THADA: variants seen among roughly 807,000 people sequenced by gnomAD.
The protein encoded by THADA is THADA armadillo repeat containing, also known as tRNA (32-2'-O)-methyltransferase regulator THADA.
In THADA, 213 loss-of-function variants were observed where a neutral mutation model predicts 219.8. The observed-to-expected ratio is 0.97, with a 90% CI of 0.87 to 1.09. The LOEUF (loss-of-function observed/expected upper bound fraction) is 1.09. Among genes scored for constraint, THADA ranks in the 50% least tolerant of loss-of-function variants. The pLI, the probability that THADA is intolerant of heterozygous loss-of-function variation, is 0.00. For synonymous variants in THADA, 1,018 were observed against 828.9 expected, an observed-to-expected ratio of 1.23 and a Z score of -3.92; for missense variants, 2,956 against 2,311.3, an observed-to-expected ratio of 1.28 and a Z score of -5.72.
chr2:43,358,331 C>T lies in THADA; in HGVS notation c.4228-14094G>A, dbSNP rs367946183. ...ACAGGTAGGTGTGTGGTATTTTCACCGAGAGAGAAATCAAAGATAAGAAAC... is the reference window on the plus strand; with the variant it reads ...ACAGGTAGGTGTGTGGTATTTTCACTGAGAGAGAAATCAAAGATAAGAAAC... On this transcript the variant is annotated intron_variant, in intron 29 of 37. Coordinates refer to ENST00000405975, the MANE Select transcript of THADA (RefSeq NM_022065.5). 3.3e-5 allele frequency among the ~76,000 whole-genome samples: 5 copies of T among 152,006 alleles called. 1 individual carries two copies. Among genetic ancestry groups the T allele is most frequent in the East Asian group, 1.9e-4 (1 of 5,164 alleles).
At chr2:43,504,572 C>T (rs1385327047) in intron 24 of THADA, among the ~76,000 whole-genome samples, 1 of 152,202 alleles carries the variant, frequency 6.6e-6, no homozygotes, top group Non-Finnish European at 1.5e-5. Context: ...TGGCCCTTTA[C>T]AGTTGGGTAG....
chr2:43,424,680 C>G (rs772912888), intron 28 of THADA, among the ~76,000 whole-genome samples: 1 of 152,160 alleles, frequency 6.6e-6, no homozygotes. Flanking sequence ...TAGTTCACCT[C>G]GCCAGTGAAC....
intron 31 of THADA, among the ~76,000 whole-genome samples, chr2:43,303,175 G>GA (rs1676458720): frequency 6.6e-6 from 1 of 152,168 alleles, no homozygotes; most frequent in African/African-American, 2.4e-5. Context: ...TCATGGCACT[G>GA]AGGAGTGTTT....
At chr2:43,488,618 T>C (rs1687205709) in intron 25 of THADA, among the ~76,000 whole-genome samples, 1 of 152,238 alleles carries the variant, frequency 6.6e-6, no homozygotes, top group South Asian at 2.1e-4. Flanking sequence ...ATTTGGAATA[T>C]TATGAATAAT....
chr2:43,247,259 A>G (rs1348689470), intron 36 of THADA, among the ~76,000 whole-genome samples: 1 of 152,212 alleles, frequency 6.6e-6, no homozygotes, highest in Non-Finnish European at 1.5e-5. Context: ...CACATGAAAA[A>G]AATTCAAAGT....
At chr2:43,231,475 C>G in intron 37 of THADA, 132 bp from the exon 38 acceptor site, 1 of 839,892 alleles carries the variant, frequency 1.2e-6, no homozygotes, top group African/African-American at 1.7e-5. Flanking sequence ...GCACTCTTGC[C>G]TGTCAACATC....
At chr2:43,531,970 A>G (rs541101566) in intron 21 of THADA, among the ~76,000 whole-genome samples, 1 of 151,968 alleles carries the variant, frequency 6.6e-6, no homozygotes, top group African/African-American at 2.4e-5. Context: ...ACAACAGTGT[A>G]GGGTTTTTTT....
chr2:43,235,643 G>A (rs1050688043), intron 36 of THADA, among the ~76,000 whole-genome samples: 9 of 152,026 alleles, frequency 5.9e-5, no homozygotes, highest in African/African-American at 2.2e-4. Context: ...AAGCCCAACA[G>A]GGAAGAAAAA....
intron 25 of THADA, among the ~76,000 whole-genome samples, chr2:43,487,503 T>C (rs1364621924): frequency 2.0e-5 from 3 of 152,102 alleles, no homozygotes; most frequent in Non-Finnish European, 4.4e-5. Context: ...AGGAGACACA[T>C]GTCTTTTTAG....
At chr2:43,512,392 A>G (rs1016800433) in intron 22 of THADA, among the ~76,000 whole-genome samples, 2 of 152,354 alleles carry the variant, frequency 1.3e-5, no homozygotes, top group East Asian at 3.9e-4. Flanking sequence ...CCTCAAAGCC[A>G]TACAAGGGAA....
At chr2:43,582,760 G>GGTTT (rs1700596728) in intron 7 of THADA, among the ~76,000 whole-genome samples, 1 of 151,576 alleles carries the variant, frequency 6.6e-6, no homozygotes, top group African/African-American at 2.4e-5. Context: ...TAGAGACAGG[G>GGTTT]GTTTCACCAT....
chr2:43,238,343 T>G (rs1668279533), intron 36 of THADA, among the ~76,000 whole-genome samples: 1 of 152,038 alleles, frequency 6.6e-6, no homozygotes, highest in East Asian at 1.9e-4. Flanking sequence ...CATAAAGAAC[T>G]CTTAATACTC....
rs1686635639 is a variant in THADA at position 43,484,438 on chromosome 2, T to C, written c.3836+796A>G. On this transcript the variant is annotated intron_variant, in intron 26 of 37. Transcript: ENST00000405975. The stretch of plus-strand genomic sequence containing the variant: ...TCTAGATCCTCAAGAGAAAGACCAC[T>C]GGGCCAAACTGGATCCTAAATAAAG... The C allele has an allele frequency of 2.4e-5, 4 of 169,294 alleles. No individual in the cohort carries two copies. In the East Asian group the frequency reaches 5.8e-4, roughly 24 times the overall value. 10.5% of individuals were successfully genotyped at this position (169,294 alleles called of 1,614,324 possible). A position where few individuals can be genotyped will look rare whatever the true frequency, so the allele number is the denominator to read the frequency against.
chr2:43,252,492 A>C (rs1235778490), intron 36 of THADA, among the ~76,000 whole-genome samples: 1 of 152,160 alleles, frequency 6.6e-6, no homozygotes, highest in Non-Finnish European at 1.5e-5. Flanking sequence ...AGAGAGACAC[A>C]GTTTAGGATT....
intron 34 of THADA, among the ~76,000 whole-genome samples, chr2:43,291,473 A>AAAAAAAAAAAAAAAAAAAAAAAAAAAAAC (rs1558527804): frequency 6.8e-6 from 1 of 146,736 alleles, no homozygotes; most frequent in African/African-American, 2.5e-5. Flanking sequence ...AAAAAAAAAA[A>AAAAAAAAAAAAAAAAAAAAAAAAAAAAAC]AAAAAAAAAT....
At chr2:43,540,049 T>C (rs1158749057) in intron 21 of THADA, among the ~76,000 whole-genome samples, 1 of 152,146 alleles carries the variant, frequency 6.6e-6, no homozygotes, top group Non-Finnish European at 1.5e-5. Flanking sequence ...GAAAGAGAAG[T>C]TGGGAAATCA....
At chr2:43,515,445 T>A (rs1691607838) in intron 22 of THADA, among the ~76,000 whole-genome samples, 1 of 127,070 alleles carries the variant, frequency 7.9e-6, no homozygotes, top group African/African-American at 3.0e-5. Flanking sequence ...ATAAGATGAA[T>A]TCTAACGAAT....
At chr2:43,233,938 A>C (rs867461948) in intron 36 of THADA, among the ~76,000 whole-genome samples, 27 of 152,182 alleles carry the variant, frequency 1.8e-4, no homozygotes, top group African/African-American at 6.3e-4. Flanking sequence ...TCCCAAATCC[A>C]CATCTCTAAC....
At chr2:43,509,086 T>C (rs1690060850) in intron 22 of THADA, among the ~76,000 whole-genome samples, 1 of 152,226 alleles carries the variant, frequency 6.6e-6, no homozygotes, top group African/African-American at 2.4e-5. Flanking sequence ...CTCACAGATA[T>C]TTCATACTAT....
Sources: gnomAD v4.1 joint callset for allele counts (sites outside exome capture counted in the v4.1 genomes callset) on GRCh38, gnomAD v4.1.1 for gene constraint, MANE v1.5 for transcripts, NCBI Gene and HGNC (gene_info 2026-07-23, HGNC 2026-07-21) for gene names.